Variants in TGFB3 observed in about 807,000 individuals in gnomAD.
TGFB3 encodes transforming growth factor beta-3 proprotein.
A neutral mutation model predicts 40.1 loss-of-function variants in TGFB3; 5 were observed. The ratio of observed to expected loss-of-function variants is 0.12; its 90% CI spans 0.07 to 0.26. The LOEUF is 0.26. TGFB3 is among the 10% of genes least tolerant of loss of function. The pLI, the probability that TGFB3 is intolerant of heterozygous loss-of-function variation, is 1.00. For missense variants in TGFB3, 373 were observed against 530.1 expected (o/e 0.70, Z 2.91); for synonymous variants, 184 against 205.6 (o/e 0.89, Z 0.90).
chr14:75,971,069 G>A lies in TGFB3; in HGVS notation c.646+57C>T. The A allele has an allele frequency of 6.2e-7, 1 of 1,608,196 alleles. No individual in the cohort carries two copies. The highest frequency in any genetic ancestry group is 8.5e-7 in the Non-Finnish European group (1 of 1,178,358). On this transcript the variant is annotated intron_variant, in intron 3 of 6. Coordinates refer to ENST00000238682, the MANE Select transcript of TGFB3 (RefSeq NM_003239.5). The surrounding 1 kb of genome is among the most constrained non-coding windows in gnomAD (Gnocchi z 4.5). ...TTCTGTCCTCTTCCCTCCATTTCAT[G>A]GAGGACTAAGGGACCTGAGGTTCAT...
At chr14:75,970,685 C>T (rs1378840650) in intron 3 of TGFB3, 2 of 222,054 alleles carry the variant, frequency 9.0e-6, no homozygotes, top group African/African-American at 2.3e-5. Context: ...TCACCATGCT[C>T]CAGCCACACC....
Position 75,971,590 on chromosome 14 carries a change from A to C in TGFB3, c.481T>G (p.Ser161Ala). Reference sequence around the variant, plus strand: ...TCGATCCTCTGCTCATTCCGCTTAGAGCTGGGGTTGGGCACCCGCAAGACC... The same window carrying C: ...TCGATCCTCTGCTCATTCCGCTTAGCGCTGGGGTTGGGCACCCGCAAGACC... ...FRVLRVPNPS[S>A]KRNEQRIELF... Residue 161 changes from serine to alanine, a missense_variant, in exon 2 of 7, where the codon TCT becomes GCT. Ser to Ala is a moderately conservative substitution (Grantham distance 99). Transcript: ENST00000238682. The surrounding 1 kb of genome is among the most constrained non-coding windows in gnomAD (Gnocchi z 4.5). 1 of 1,614,178 alleles carries C rather than the reference A, an allele frequency of 6.2e-7. No homozygotes were observed.
In TGFB3 at chr14:75,980,556, C is replaced by T. The variant is rs1555361380; in HGVS notation, c.338G>A (p.Gly113Glu). The T allele has an allele frequency of 1.2e-6, 2 of 1,614,236 alleles. No homozygotes were observed. The highest frequency in any genetic ancestry group is 1.1e-5 in the South Asian group (1 of 91,086). Residue 113 changes from glycine to glutamate, a missense_variant, in exon 1 of 7, where the codon GGG becomes GAG. Coordinates refer to ENST00000238682, the MANE Select transcript of TGFB3 (RefSeq NM_003239.5). The surrounding 1 kb of genome is among the most constrained non-coding windows in gnomAD (Gnocchi z 4.3). Reference protein sequence around the residue: ...KEIHKFDMIQGLAEHNELAVC... With the variant: ...KEIHKFDMIQELAEHNELAVC... ...TTTGGACTTACTGTGCTCCGCCAGC[C>T]CCTGGATCATGTCGAATTTATGGAT...
At chr14:75,961,174 A>ACC in intron 5 of TGFB3, 98 bp from the exon 6 acceptor site, 3 of 1,407,970 alleles carry the variant, frequency 2.1e-6, no homozygotes, top group Non-Finnish European at 2.9e-6. Context: ...CTTTCATGCC[A>ACC]TCATAGGTGG....
chr14:75,974,891 G>A (rs555227716), intron 1 of TGFB3, among the ~76,000 whole-genome samples: 43 of 152,046 alleles, frequency 2.8e-4, no homozygotes, highest in African/African-American at 9.4e-4. Context: ...AGGTGTTTGA[G>A]ACCAGCCTGG....
upstream of TGFB3, chr14:75,982,730 A>T (rs1252352027): frequency 6.6e-6 from 1 of 152,216 alleles, no homozygotes; most frequent in Non-Finnish European, 1.5e-5. This position sits in a 1 kb window ranked among gnomAD's most constrained non-coding sequence, Gnocchi z 4.0. Context: ...AGAGAGCGAG[A>T]AAAACAAGAC....
chr14:75,973,574 G>A (rs1300000492), intron 1 of TGFB3, among the ~76,000 whole-genome samples: 2 of 152,222 alleles, frequency 1.3e-5, no homozygotes, highest in East Asian at 1.9e-4. Context: ...TACTTGCATT[G>A]GCAACCCTAT....
intron 1 of TGFB3, among the ~76,000 whole-genome samples, chr14:75,977,056 A>C (rs896230115): frequency 3.3e-5 from 5 of 152,212 alleles, no homozygotes; most frequent in Non-Finnish European, 7.3e-5. Context: ...GCTGACCTCT[A>C]CTGTGCAGAG....
intron 1 of TGFB3, among the ~76,000 whole-genome samples, chr14:75,977,096 A>G (rs1223066369): frequency 6.6e-6 from 1 of 151,708 alleles, no homozygotes; most frequent in African/African-American, 2.4e-5. Context: ...AATGATTTTC[A>G]GAATAATTCT....
At chr14:75,975,430 T>C (rs1284990486) in intron 1 of TGFB3, among the ~76,000 whole-genome samples, 2 of 152,162 alleles carry the variant, frequency 1.3e-5, no homozygotes, top group Admixed American at 1.3e-4. Context: ...AAAATGTACA[T>C]ACAATCTTCT....
intron 5 of TGFB3, among the ~76,000 whole-genome samples, chr14:75,961,878 G>C (rs770844387): frequency 2.3e-4 from 35 of 152,194 alleles, no homozygotes; most frequent in Non-Finnish European, 2.2e-4. Flanking sequence ...CCTCCCTTGA[G>C]AGTAGCGGTG....
intron 4 of TGFB3, among the ~76,000 whole-genome samples, chr14:75,965,373 C>T (rs2035208929): frequency 1.3e-5 from 2 of 152,214 alleles, no homozygotes; most frequent in Admixed American, 1.3e-4. Context: ...TACGTGTTGT[C>T]TTCCAGAGGC....
chr14:75,960,243 A>C (rs901530520), intron 6 of TGFB3: 2 of 152,598 alleles, frequency 1.3e-5, no homozygotes, highest in East Asian at 3.8e-4. Flanking sequence ...TGCCCGGCCT[A>C]TCTTGGCTTT....
In TGFB3 at chr14:75,980,473, C is replaced by T; in HGVS notation, c.352+69G>A. The stretch of plus-strand genomic sequence containing the variant: ...TGCTGTGTGGCCAGCACTAGGCCCC[C>T]CTCTGCAGAGCTCCCAGCTCCAGTT... On this transcript the variant is annotated intron_variant, in intron 1 of 6. Coordinates refer to ENST00000238682, the MANE Select transcript of TGFB3 (RefSeq NM_003239.5). This position sits in a 1 kb window ranked among gnomAD's most constrained non-coding sequence, Gnocchi z 4.3. 2 of 1,515,566 alleles carry T rather than the reference C, an allele frequency of 1.3e-6. No homozygotes were observed. The highest frequency in any genetic ancestry group is 1.8e-6 in the Non-Finnish European group (2 of 1,091,046). The allele number at this position is 1,515,566 out of a possible 1,614,324, so 93.9% of individuals were successfully genotyped here. A position where few individuals can be genotyped will look rare whatever the true frequency, so the allele number is the denominator to read the frequency against.
At chr14:75,961,761 A>G (rs1448723626) in intron 5 of TGFB3, among the ~76,000 whole-genome samples, 2 of 152,192 alleles carry the variant, frequency 1.3e-5, no homozygotes, top group Non-Finnish European at 2.9e-5. Context: ...CCAAGGGTGA[A>G]CCATGGCAGA....
chr14:75,980,860 G>C lies in TGFB3; in HGVS notation c.34C>G (p.Leu12Val). ...ACCGTGGCAAAGTTCAGCAGGGCCAGGACCACCAGAGCCCTTTGCAAGTGC... is the reference window on the plus strand; with the variant it reads ...ACCGTGGCAAAGTTCAGCAGGGCCACGACCACCAGAGCCCTTTGCAAGTGC... ...KMHLQRALVV[L>V]ALLNFATVSL... Residue 12 changes from leucine (L) to valine (V), a missense_variant, in exon 1 of 7, where the codon CTG (leucine) becomes GTG (valine). Physicochemically the swap from Leu to Val is conservative, Grantham distance 32 (BLOSUM62 1). Transcript: ENST00000238682. The surrounding 1 kb of genome is among the most constrained non-coding windows in gnomAD (Gnocchi z 4.3). 1.2e-6 allele frequency: 2 copies of C among 1,614,174 alleles called. No homozygotes were observed. Among genetic ancestry groups the C allele is most frequent in the Non-Finnish European group, 1.7e-6 (2 of 1,180,044 alleles).
chr14:75,974,590 C>A (rs1411537450), intron 1 of TGFB3, among the ~76,000 whole-genome samples: 1 of 151,910 alleles, frequency 6.6e-6, no homozygotes, highest in Non-Finnish European at 1.5e-5. Flanking sequence ...CAAGGTGAAA[C>A]CCCGTCTCTA....
chr14:75,977,767 C>T (rs1171345539), intron 1 of TGFB3, among the ~76,000 whole-genome samples: 2 of 151,728 alleles, frequency 1.3e-5, no homozygotes, highest in African/African-American at 4.8e-5. Flanking sequence ...CTGCTTGGTC[C>T]AACACATGAT....
intron 3 of TGFB3, among the ~76,000 whole-genome samples, chr14:75,970,245 G>A (rs534076241): frequency 6.6e-6 from 1 of 151,978 alleles, no homozygotes; most frequent in South Asian, 2.1e-4. Context: ...CTGAAACCTC[G>A]CCATGACCTG....
Sources: allele counts gnomAD v4.1 joint callset (sites outside exome capture counted in the v4.1 genomes callset), GRCh38; gene constraint gnomAD v4.1.1; non-coding constraint Gnocchi (gnomAD v3.1); transcripts MANE v1.5; gene names NCBI Gene and HGNC (gene_info 2026-07-23, HGNC 2026-07-21).